The following CYSTM1 variants were observed in gnomAD, a reference collection of about 807,000 sequenced individuals.
The protein encoded by CYSTM1 is cysteine rich transmembrane module containing 1, also known as cysteine-rich transmembrane module-containing protein 1.
Under a neutral mutation model 13.1 loss-of-function variants are expected in CYSTM1, and 4 were observed. That is an observed-to-expected ratio of 0.31 (90% CI 0.15 to 0.70). The LOEUF (loss-of-function observed/expected upper bound fraction) is 0.70. Ranked by LOEUF, CYSTM1 falls within the 30% of genes least tolerant of loss-of-function variation. CYSTM1 has a pLI of 0.72. For synonymous variants in CYSTM1, 36 were observed against 42.7 expected (o/e 0.84, Z 0.62); for missense variants, 96 against 121.6 (o/e 0.79, Z 0.99).
At chr5:140,182,318 G>C (rs1048222327) in intron 1 of CYSTM1, among the ~76,000 whole-genome samples, 1 of 152,162 alleles carries the variant, frequency 6.6e-6, no homozygotes, top group Non-Finnish European at 1.5e-5. Flanking sequence ...GGCCTTCAGA[G>C]AGGGCCCCTT....
In CYSTM1 at chr5:140,206,438, C is replaced by G. The variant is rs1764299000; in HGVS notation, c.187+11786C>G. 2.0e-5 allele frequency among the ~76,000 whole-genome samples: 3 copies of G among 151,936 alleles called. No individual in the cohort carries two copies. The South Asian group carries it at 6.2e-4, about 32-fold the overall frequency. On this transcript the variant is annotated intron_variant, in intron 2 of 2. Transcript: ENST00000261811. Reference sequence around the variant, plus strand: ...AATATTTCTTGAATAGTTGAATGTCCCCCTCTCCCAATCTCCTCGGGCTGC... The same window carrying G: ...AATATTTCTTGAATAGTTGAATGTCGCCCTCTCCCAATCTCCTCGGGCTGC...
chr5:140,204,767 C>A (rs113917174), intron 2 of CYSTM1, among the ~76,000 whole-genome samples: 1,446 of 144,578 alleles, frequency 0.01, 17 homozygotes, highest in African/African-American at 0.033. Flanking sequence ...TTCAACAGTG[C>A]TGAGCGCGTG....
chr5:140,240,870 A>G (rs13353859), intron 2 of CYSTM1, among the ~76,000 whole-genome samples: 35,097 of 152,018 alleles, frequency 0.23, 4,087 homozygotes, highest in African/African-American at 0.25. Flanking sequence ...GCTACTCCCC[A>G]TTGCCCATCC....
rs1764011308 is a variant in CYSTM1 at position 140,185,943 on chromosome 5, T to C, written c.-20-8503T>C. ...TATACTTCAGTTTTAGTAACTTGTG[T>C]AACACTTTGAGGTAACTGCCTTTTG... On this transcript the variant is annotated intron_variant, in intron 1 of 2. Transcript: ENST00000261811. 2.6e-5 allele frequency among the ~76,000 whole-genome samples: 4 copies of C among 152,230 alleles called. No homozygotes were observed. In the South Asian group the frequency reaches 8.3e-4, roughly 32 times the overall value.
Position 140,194,551 on chromosome 5 carries a change from G to C in CYSTM1, c.86G>C (p.Gly29Ala), listed in dbSNP as rs745807663. ...PPYPPQPMGP[G>A]PMGGPYPPPQ... ...TATCCACCACAACCAATGGGTCCAG[G>C]ACCTATGGGGGGACCCTACCCACCT... is the stretch of plus-strand genomic sequence containing the variant. Residue 29 changes from glycine to alanine, a missense_variant, in exon 2 of 3, where the codon GGA (glycine) becomes GCA (alanine). Physicochemically the swap from Gly to Ala is moderately conservative, Grantham distance 60 (BLOSUM62 0). Coordinates refer to ENST00000261811, the MANE Select transcript of CYSTM1 (RefSeq NM_032412.4). The C allele has an allele frequency of 6.2e-7, 1 of 1,613,816 alleles. No homozygotes were observed. The highest frequency in any genetic ancestry group is 1.1e-5 in the South Asian group (1 of 91,050).
At chr5:140,196,762 T>C (rs7710268) in intron 2 of CYSTM1, among the ~76,000 whole-genome samples, 35,169 of 152,122 alleles carry the variant, frequency 0.23, 4,095 homozygotes, top group African/African-American at 0.25. Flanking sequence ...CAGAAAAGAC[T>C]ACATATGGTA....
chr5:140,222,532 C>T (rs753668122), intron 2 of CYSTM1, among the ~76,000 whole-genome samples: 29 of 152,224 alleles, frequency 1.9e-4, no homozygotes, highest in Non-Finnish European at 3.8e-4. Flanking sequence ...TCTCTAGATT[C>T]ACAAATGAGC....
At chr5:140,195,576 G>A (rs1764145174) in intron 2 of CYSTM1, among the ~76,000 whole-genome samples, 2 of 151,114 alleles carry the variant, frequency 1.3e-5, no homozygotes, top group African/African-American at 4.9e-5. Flanking sequence ...TGAGTAACTA[G>A]GACTACAGGC....
intron 2 of CYSTM1, among the ~76,000 whole-genome samples, chr5:140,222,344 G>A (rs374842076): frequency 2.6e-5 from 4 of 152,296 alleles, no homozygotes; most frequent in South Asian, 2.1e-4. Context: ...GAAATGCCTT[G>A]GCACAGGACC....
rs528694043 is a variant in CYSTM1, at chr5:140,231,166, C to T, written c.188-12139C>T. ...CTTAAAATTTTCTTCACATAGTTCT[C>T]ACATATTTTTATTGGTTTTTAAAAT... On this transcript the variant is annotated intron_variant, in intron 2 of 2. Transcript: ENST00000261811. Among the ~76,000 whole-genome samples the T allele has an allele frequency of 1.2e-3, 187 of 152,278 alleles. 3 individuals carry two copies. Among genetic ancestry groups the T allele is most frequent in the Non-Finnish European group, 2.5e-4 (17 of 68,032 alleles).
chr5:140,194,480 C>A lies in CYSTM1; in HGVS notation c.15C>A (p.Asn5Lys), dbSNP rs1384956460. 1 of 1,598,276 alleles carries A rather than the reference C, an allele frequency of 6.3e-7. No individual in the cohort carries two copies. The highest frequency in any genetic ancestry group is 1.1e-5 in the South Asian group (1 of 88,202). Residue 5 changes from asparagine to lysine, a missense_variant, in exon 2 of 3, where the codon AAC (asparagine) becomes AAA (lysine). Asn to Lys is a moderately conservative substitution (Grantham distance 94). Coordinates refer to ENST00000261811, the MANE Select transcript of CYSTM1 (RefSeq NM_032412.4). MNQE[N>K]PPPYPGPGPT... ...ACAGGTCCCCGATGAACCAAGAGAA[C>A]CCTCCACCATATCCAGGCCCTGGTC...
intron 2 of CYSTM1, among the ~76,000 whole-genome samples, chr5:140,228,515 CT>C (rs1764586444): frequency 6.6e-6 from 1 of 152,160 alleles, no homozygotes; most frequent in African/African-American, 2.4e-5. Context: ...GAACAGTGGT[CT>C]GATAGCTGCT....
chr5:140,188,098 G>A (rs1407511492), intron 1 of CYSTM1, among the ~76,000 whole-genome samples: 1 of 148,614 alleles, frequency 6.7e-6, no homozygotes, highest in East Asian at 2.0e-4. Flanking sequence ...TAGAGACAGG[G>A]TCTTTCTTGT....
At chr5:140,197,759 A>G (rs965358862) in intron 2 of CYSTM1, among the ~76,000 whole-genome samples, 1 of 151,480 alleles carries the variant, frequency 6.6e-6, no homozygotes, top group South Asian at 2.1e-4. Flanking sequence ...CTCAAGTTCA[A>G]GTGTGTGGCA....
intron 2 of CYSTM1, among the ~76,000 whole-genome samples, chr5:140,222,545 A>G (rs1464294283): frequency 1.3e-5 from 2 of 152,258 alleles, no homozygotes; most frequent in Non-Finnish European, 2.9e-5. Flanking sequence ...AAATGAGCCA[A>G]CTCAAACTAC....
chr5:140,229,157 TTGTC>T (rs554744880), intron 2 of CYSTM1, among the ~76,000 whole-genome samples: 243 of 152,332 alleles, frequency 1.6e-3, no homozygotes, highest in African/African-American at 5.5e-3. Flanking sequence ...CCACTAATAT[TTGTC>T]TGTTTTATAG....
At chr5:140,218,191 G>A (rs1764453957) in intron 2 of CYSTM1, among the ~76,000 whole-genome samples, 1 of 152,186 alleles carries the variant, frequency 6.6e-6, no homozygotes, top group African/African-American at 2.4e-5. Flanking sequence ...TCCACAGGGA[G>A]TTGGACTAAG....
intron 2 of CYSTM1, among the ~76,000 whole-genome samples, chr5:140,209,885 A>G (rs1210913450): frequency 6.6e-6 from 1 of 151,418 alleles, no homozygotes; most frequent in Non-Finnish European, 1.5e-5. Flanking sequence ...TTCCTTTCTC[A>G]CCTTACTCAT....
chr5:140,176,875 C>T (rs1763892116), intron 1 of CYSTM1, among the ~76,000 whole-genome samples: 1 of 151,994 alleles, frequency 6.6e-6, no homozygotes, highest in Admixed American at 6.6e-5. Flanking sequence ...CGAGACCATC[C>T]TGACTAACAC....
Sources: allele counts gnomAD v4.1 joint callset (sites outside exome capture counted in the v4.1 genomes callset), GRCh38; gene constraint gnomAD v4.1.1; transcripts MANE v1.5; gene names NCBI Gene and HGNC (gene_info 2026-07-23, HGNC 2026-07-21).